TJP1: variants seen among roughly 807,000 people sequenced by gnomAD.
TJP1 encodes tight junction protein ZO-1.
TJP1 carries 43 observed loss-of-function variants against 194.2 expected under a neutral mutation model. That is an observed-to-expected ratio of 0.22 (90% CI 0.17 to 0.29). The LOEUF is 0.29. TJP1 is among the 10% of genes least tolerant of loss of function. TJP1 has a pLI of 1.00. For missense variants in TJP1, 1,971 were observed against 2,185.7 expected (o/e 0.90, Z 1.96); for synonymous variants, 801 against 779.0 (o/e 1.03, Z -0.47).
At chr15:29,874,475 C>A (rs972854414) in intron 2 of TJP1, among the ~76,000 whole-genome samples, 2 of 152,106 alleles carry the variant, frequency 1.3e-5, no homozygotes, top group Non-Finnish European at 2.9e-5. Flanking sequence ...GATGAGCCTA[C>A]AACAGACAGC....
chr15:29,719,240 A>C (rs1299385494), intron 20 of TJP1, 102 bp from the exon 21 acceptor site: 1 of 1,316,944 alleles, frequency 7.6e-7, no homozygotes, highest in Admixed American at 2.5e-5. Flanking sequence ...ATATGTGAAA[A>C]TGGTATGTTT....
intron 2 of TJP1, among the ~76,000 whole-genome samples, chr15:29,893,308 G>A (rs1478265969): frequency 6.6e-6 from 1 of 152,130 alleles, no homozygotes; most frequent in Non-Finnish European, 1.5e-5. Context: ...ATCTACTCCT[G>A]GTAAGACACC....
intron 2 of TJP1, among the ~76,000 whole-genome samples, chr15:29,798,657 C>G (rs1315413212): frequency 6.6e-6 from 1 of 152,062 alleles, no homozygotes; most frequent in African/African-American, 2.4e-5. Flanking sequence ...GGACCCACAG[C>G]AAGTCTTTTC....
intron 8 of TJP1, chr15:29,760,430 C>T: frequency 1.7e-6 from 1 of 579,076 alleles, no homozygotes; most frequent in Non-Finnish European, 3.1e-6. Context: ...GGCTGGAGTG[C>T]AGTGGTGCGA....
At chr15:29,753,552 G>A (rs933515412) in intron 8 of TJP1, among the ~76,000 whole-genome samples, 2 of 146,904 alleles carry the variant, frequency 1.4e-5, no homozygotes, top group African/African-American at 5.0e-5. Context: ...TAACATATAT[G>A]TGACATTAGT....
chr15:29,812,194 T>C (rs954085449), intron 1 of TJP1, among the ~76,000 whole-genome samples: 11 of 152,228 alleles, frequency 7.2e-5, no homozygotes, highest in Admixed American at 5.2e-4. Flanking sequence ...GGTGATAATC[T>C]TTTCAGTCCT....
intron 4 of TJP1, among the ~76,000 whole-genome samples, chr15:29,771,040 T>C (rs750565749): frequency 3.3e-5 from 5 of 152,182 alleles, no homozygotes; most frequent in African/African-American, 1.2e-4. Context: ...TCATAGTAAG[T>C]GCACTAAACA....
intron 2 of TJP1, among the ~76,000 whole-genome samples, chr15:29,923,124 T>C (rs2054419263): frequency 6.6e-6 from 1 of 152,168 alleles, no homozygotes; most frequent in Admixed American, 6.5e-5. Context: ...TGTGTCAAAA[T>C]GTAAACTGAC....
chr15:29,753,401 G>A (rs537542270), intron 8 of TJP1, among the ~76,000 whole-genome samples: 32 of 149,702 alleles, frequency 2.1e-4, no homozygotes, highest in African/African-American at 3.0e-4. Flanking sequence ...GGAGAATAGC[G>A]TGAACCTGGG....
intron 2 of TJP1, among the ~76,000 whole-genome samples, chr15:29,919,256 G>T (rs572736878): frequency 6.6e-6 from 1 of 152,308 alleles, no homozygotes; most frequent in African/African-American, 2.4e-5. Flanking sequence ...CAGAGGAGAG[G>T]AGCAGAAAAG....
At chr15:29,786,876 A>G (rs2047733294) in intron 2 of TJP1, among the ~76,000 whole-genome samples, 2 of 152,208 alleles carry the variant, frequency 1.3e-5, no homozygotes, top group African/African-American at 4.8e-5. Flanking sequence ...CCTGGGTTCA[A>G]GTTCTCGCTC....
intron 18 of TJP1, 51 bp downstream of exon 18, chr15:29,726,328 T>G (rs773685384): frequency 7.0e-7 from 1 of 1,428,862 alleles, no homozygotes; most frequent in South Asian, 1.2e-5. Flanking sequence ...CATCTCTGAT[T>G]AGTTACATAA....
At chr15:29,940,540 C>G (rs1401331562) in intron 2 of TJP1, among the ~76,000 whole-genome samples, 1 of 152,138 alleles carries the variant, frequency 6.6e-6, no homozygotes, top group Non-Finnish European at 1.5e-5. Context: ...AAGACAAATA[C>G]AACCAATTTT....
At chr15:29,896,752 T>C (rs144916456) in intron 2 of TJP1, among the ~76,000 whole-genome samples, 1,564 of 152,214 alleles carry the variant, frequency 0.01, 22 homozygotes, top group African/African-American at 0.036. Flanking sequence ...GGAGCAAAGG[T>C]GACTCTTACC....
chr15:29,728,771 T>A (rs1595660608), intron 15 of TJP1: 1 of 152,164 alleles, frequency 6.6e-6, no homozygotes, highest in Non-Finnish European at 1.5e-5. Flanking sequence ...GAAAGACAAG[T>A]CACACTGAGG....
intron 23 of TJP1, among the ~76,000 whole-genome samples, chr15:29,715,723 A>G (rs763707934): frequency 2.0e-5 from 3 of 152,210 alleles, no homozygotes; most frequent in Non-Finnish European, 4.4e-5. Context: ...TGGCCTAATC[A>G]GCAGAGCCCT....
At chr15:29,717,008 C>T (rs1253217162) in intron 22 of TJP1, among the ~76,000 whole-genome samples, 170 bp from the exon 23 acceptor site, 1 of 152,170 alleles carries the variant, frequency 6.6e-6, no homozygotes, top group Non-Finnish European at 1.5e-5. Context: ...AATCCCATGT[C>T]CTCACAGAGT....
chr15:29,936,890 C>T (rs1222960980), intron 2 of TJP1, among the ~76,000 whole-genome samples: 2 of 152,308 alleles, frequency 1.3e-5, no homozygotes, highest in Non-Finnish European at 2.9e-5. Context: ...TCCAGCTACA[C>T]AGCTCGGCGC....
chr15:29,734,487 T>TA, intron 11 of TJP1, 105 bp from the exon 12 acceptor site: 2 of 688,976 alleles, frequency 2.9e-6, no homozygotes, highest in Non-Finnish European at 4.3e-6. Flanking sequence ...AAATATCACA[T>TA]CTTTTTTTTT....
Sources: allele counts gnomAD v4.1 joint callset (sites outside exome capture counted in the v4.1 genomes callset), GRCh38; gene constraint gnomAD v4.1.1; transcripts MANE v1.5; gene names NCBI Gene and HGNC (gene_info 2026-07-23, HGNC 2026-07-21).